The following CHRNB2 variants were observed in gnomAD, a reference collection of about 807,000 sequenced individuals.
The protein encoded by CHRNB2 is cholinergic receptor nicotinic beta 2 subunit.
A neutral mutation model predicts 42.7 loss-of-function variants in CHRNB2; 33 were observed. The ratio of observed to expected loss-of-function variants is 0.77; its 90% confidence interval spans 0.59 to 1.03. The LOEUF is 1.03. CHRNB2 is among the 50% of genes least tolerant of loss of function. The pLI, the probability that CHRNB2 is intolerant of heterozygous loss-of-function variation, is 0.00. For missense variants in CHRNB2, 603 were observed against 700.9 expected (o/e 0.86, Z 1.58); for synonymous variants, 325 against 292.9 (o/e 1.11, Z -1.12).
chr1:154,569,811 T>C lies in CHRNB2; in HGVS notation c.230T>C (p.Met77Thr). The C allele has an allele frequency of 1.2e-6, 2 of 1,614,160 alleles. No homozygotes were observed. Among genetic ancestry groups the C allele is most frequent in the Non-Finnish European group, 1.7e-6 (2 of 1,180,020 alleles). The change falls in exon 3 of 6, where the codon ATG becomes ACG. Residue 77 changes from methionine (M) to threonine (T), a missense_variant. By Grantham distance (81) the Met-to-Thr change is moderately conservative. This residue lies in a region of CHRNB2 where 333 missense variants were observed against 452.6 expected (regional missense o/e 0.74). Coordinates refer to ENST00000368476, the MANE Select transcript of CHRNB2 (RefSeq NM_000748.3). ...CTGCAGCATGAGCGGGAGCAGATCATGACCACCAATGTCTGGCTGACCCAG... is the reference window on the plus strand; with the variant it reads ...CTGCAGCATGAGCGGGAGCAGATCACGACCACCAATGTCTGGCTGACCCAG... ...LISVHEREQI[M>T]TTNVWLTQEW...
intron 5 of CHRNB2, among the ~76,000 whole-genome samples, chr1:154,574,152 C>G (rs551670662): frequency 6.6e-6 from 1 of 152,086 alleles, no homozygotes; most frequent in East Asian, 1.9e-4. Flanking sequence ...AAAAAAAAAT[C>G]ATTACAATTA....
chr1:154,576,030 G>A lies in CHRNB2; in HGVS notation c.*98G>A, dbSNP rs1244941616. 53 of 1,475,874 alleles carry A rather than the reference G, an allele frequency of 3.6e-5. No homozygotes were observed. Among genetic ancestry groups the A allele is most frequent in the Non-Finnish European group, 4.7e-5 (50 of 1,063,558 alleles). 91.4% of individuals were successfully genotyped at this position (1,475,874 alleles called of 1,614,324 possible). A position where few individuals can be genotyped will look rare whatever the true frequency, so the allele number is the denominator to read the frequency against. On this transcript the variant is annotated 3_prime_UTR_variant, in exon 6 of 6. Coordinates refer to ENST00000368476, the MANE Select transcript of CHRNB2 (RefSeq NM_000748.3). ...CGAGTGAGCTACCAGGAAGAGGGGC[G>A]CTGCCCCCACAGATCCATCCTTTTG...
intron 5 of CHRNB2, among the ~76,000 whole-genome samples, chr1:154,574,309 T>C (rs893944601): frequency 2.0e-5 from 3 of 152,222 alleles, no homozygotes; most frequent in Non-Finnish European, 2.9e-5. Flanking sequence ...AGCATTGATA[T>C]CTGTATCTCA....
Position 154,568,055 on chromosome 1 carries a change from G to A in CHRNB2, c.11G>A (p.Arg4His). The change falls in exon 1 of 6, where the codon CGC (arginine) becomes CAC (histidine). Residue 4 changes from arginine (R) to histidine (H), a missense_variant. Physicochemically the swap from Arg to His is conservative, Grantham distance 29. This residue lies in a region of CHRNB2 where 333 missense variants were observed against 452.6 expected (regional missense o/e 0.74). Coordinates refer to ENST00000368476, the MANE Select transcript of CHRNB2 (RefSeq NM_000748.3). ...AGCTATGCCCGCGGCATGGCCCGGC[G>A]CTGCGGCCCCGTGGCGCTGCTCCTT... MAR[R>H]CGPVALLLGF... is the part of the protein sequence containing the mutation. The A allele has an allele frequency of 1.3e-6, 2 of 1,599,042 alleles. No individual in the cohort carries two copies. Among genetic ancestry groups the A allele is most frequent in the Non-Finnish European group, 1.7e-6 (2 of 1,174,592 alleles).
Position 154,576,092 on chromosome 1 carries a change from C to A in CHRNB2, c.*160C>A. On this transcript the variant is annotated 3_prime_UTR_variant, in exon 6 of 6. Transcript: ENST00000368476. ...GTCCCTCCTCCCCCACGCCTCCATC[C>A]ACACACAGCAGCTCCAACCTGGAGG... The A allele has an allele frequency of 1.2e-6, 1 of 851,604 alleles. No homozygotes were observed. Among genetic ancestry groups the A allele is most frequent in the Non-Finnish European group, 1.9e-6 (1 of 527,560 alleles). 52.8% of individuals were successfully genotyped at this position (851,604 alleles called of 1,614,324 possible).
chr1:154,576,166 C>T lies in CHRNB2; in HGVS notation c.*234C>T. 1.7e-6 allele frequency: 1 copy of T among 584,650 alleles called. No individual in the cohort carries two copies. The highest frequency in any genetic ancestry group is 2.7e-5 in the Admixed American group (1 of 37,700). 36.2% of individuals were successfully genotyped at this position (584,650 alleles called of 1,614,324 possible). On this transcript the variant is annotated 3_prime_UTR_variant, in exon 6 of 6. Transcript: ENST00000368476. ...CTGCTCTCCATCTCTTGTACCAGCCCAGGCAATAGTGTTGAGGAGGGGAGC... is the reference window on the plus strand; with the variant it reads ...CTGCTCTCCATCTCTTGTACCAGCCTAGGCAATAGTGTTGAGGAGGGGAGC...
chr1:154,573,844 G>T (rs529217749), intron 5 of CHRNB2, among the ~76,000 whole-genome samples: 2 of 152,318 alleles, frequency 1.3e-5, no homozygotes, highest in South Asian at 4.1e-4. Flanking sequence ...CGCCTCCGGG[G>T]TTCAAGCGAT....
In CHRNB2 at chr1:154,571,004, C is replaced by G. The variant is rs1319925882; in HGVS notation, c.366-185C>G. Among the ~76,000 whole-genome samples the G allele has an allele frequency of 6.6e-6, 1 of 152,066 alleles. No individual in the cohort carries two copies. Among genetic ancestry groups the G allele is most frequent in the African/African-American group, 2.4e-5 (1 of 41,408 alleles). On this transcript the variant is annotated intron_variant, in intron 4 of 5. Coordinates refer to ENST00000368476, the MANE Select transcript of CHRNB2 (RefSeq NM_000748.3). This position sits in a 1 kb window ranked among gnomAD's most constrained non-coding sequence, Gnocchi z 6.8. ...CTTCTTCTGGTCACTAACCTTCCCC[C>G]CCCTCCCCATATCCCCTTCTTGCTC...
chr1:154,572,538 G>C (rs1464835856), intron 5 of CHRNB2, among the ~76,000 whole-genome samples: 1 of 152,066 alleles, frequency 6.6e-6, no homozygotes, highest in African/African-American at 2.4e-5. Context: ...CCCGCTGCTT[G>C]CATGCCCACA....
Position 154,579,121 on chromosome 1 carries a change from TCTA to T in CHRNB2, c.*3192_*3194del, listed in dbSNP as rs1696339551. On this transcript the variant is annotated 3_prime_UTR_variant, in exon 6 of 6. Coordinates refer to ENST00000368476, the MANE Select transcript of CHRNB2 (RefSeq NM_000748.3). ...ACACAGCAGCCCCCAGGTGGTGTGTTCTACTGAGGAAGGCTACGGCAGAGGAAG... is the reference window on the plus strand; with the variant it reads ...ACACAGCAGCCCCCAGGTGGTGTGTTCTGAGGAAGGCTACGGCAGAGGAAG... 1 of 152,046 alleles carries T rather than the reference TCTA, an allele frequency of 6.6e-6. No homozygotes were observed. The highest frequency in any genetic ancestry group is 2.4e-5 in the African/African-American group (1 of 41,374). The allele number at this position is 152,046 out of a possible 1,614,324, so 9.4% of individuals were successfully genotyped here. A position where few individuals can be genotyped will look rare whatever the true frequency, so the allele number is the denominator to read the frequency against.
rs1696334362 is a variant in CHRNB2, at chr1:154,578,906, A to G, written c.*2974A>G. On this transcript the variant is annotated 3_prime_UTR_variant, in exon 6 of 6. Coordinates refer to ENST00000368476, the MANE Select transcript of CHRNB2 (RefSeq NM_000748.3). ...GGAGGGGAAGTGAGGAAACAGGTTG[A>G]GACTATCTCCATCAGAGATGGCAAG... 1.3e-5 allele frequency: 2 copies of G among 152,264 alleles called. No homozygotes were observed. Among genetic ancestry groups the G allele is most frequent in the Admixed American group, 1.3e-4 (2 of 15,290 alleles). 9.4% of individuals were successfully genotyped at this position (152,264 alleles called of 1,614,324 possible).
At chr1:154,570,997 C>G (rs1039666884) in intron 4 of CHRNB2, among the ~76,000 whole-genome samples, 192 bp from the exon 5 acceptor site, 1 of 151,934 alleles carries the variant, frequency 6.6e-6, no homozygotes, top group African/African-American at 2.4e-5. Flanking sequence ...GGTCACTAAC[C>G]TTCCCCCCCC....
chr1:154,573,918 T>G (rs997248415), intron 5 of CHRNB2, among the ~76,000 whole-genome samples: 2 of 152,056 alleles, frequency 1.3e-5, no homozygotes, highest in African/African-American at 4.8e-5. Flanking sequence ...CCAGCTAATT[T>G]TTTGTATTTT....
Position 154,569,816 on chromosome 1 carries a change from A to G in CHRNB2, c.235A>G (p.Thr79Ala), listed in dbSNP as rs1696130228. 1 of 1,613,758 alleles carries G rather than the reference A, an allele frequency of 6.2e-7. No individual in the cohort carries two copies. Among genetic ancestry groups the G allele is most frequent in the Admixed American group, 1.7e-5 (1 of 59,972 alleles). The change falls in exon 3 of 6, where the codon ACC (threonine) becomes GCC (alanine). Residue 79 changes from threonine (T) to alanine (A), a missense_variant. Coordinates refer to ENST00000368476, the MANE Select transcript of CHRNB2 (RefSeq NM_000748.3). The part of the protein sequence containing the change: ...SVHEREQIMT[T>A]NVWLTQEWED... Reference sequence around the variant, plus strand: ...GCATGAGCGGGAGCAGATCATGACCACCAATGTCTGGCTGACCCAGGTAAG... The same window carrying G: ...GCATGAGCGGGAGCAGATCATGACCGCCAATGTCTGGCTGACCCAGGTAAG...
At position 154,575,860 on chromosome 1, in the gene CHRNB2, G is replaced by A; in HGVS notation, c.1437G>A (p.Leu479=). Residue 479 remains leucine, a synonymous_variant, in exon 6 of 6, where the codon CTG becomes CTA. Coordinates refer to ENST00000368476, the MANE Select transcript of CHRNB2 (RefSeq NM_000748.3). ...VCVFGTIGMF[L]QPLFQNYTTT... ...TCTTTGGCACCATCGGCATGTTCCT[G>A]CAGCCTCTCTTCCAGAACTACACCA... The A allele has an allele frequency of 6.2e-7, 1 of 1,614,108 alleles. No homozygotes were observed. The highest frequency in any genetic ancestry group is 8.5e-7 in the Non-Finnish European group (1 of 1,180,016).
In CHRNB2 at chr1:154,567,893, G is replaced by A; in HGVS notation, c.-152G>A. 1 of 574,540 alleles carries A rather than the reference G, an allele frequency of 1.7e-6. No individual in the cohort carries two copies. The highest frequency in any genetic ancestry group is 3.6e-5 in the East Asian group (1 of 27,994). The allele number at this position is 574,540 out of a possible 1,614,324, so 35.6% of individuals were successfully genotyped here. A position where few individuals can be genotyped will look rare whatever the true frequency, so the allele number is the denominator to read the frequency against. ...GGTTTCTCCTCGCAGCCGGCTCCCT[G>A]AGGCCCAGGAACCACCGCGGCGGCC... On this transcript the variant is annotated 5_prime_UTR_variant, in exon 1 of 6. Coordinates refer to ENST00000368476, the MANE Select transcript of CHRNB2 (RefSeq NM_000748.3).
At chr1:154,568,243 G>A in intron 1 of CHRNB2, 135 bp downstream of exon 1, 1 of 1,101,176 alleles carries the variant, frequency 9.1e-7, no homozygotes, top group Non-Finnish European at 1.3e-6. Flanking sequence ...TCTGCTGGAG[G>A]TTAGGGGAGA....
rs548589333 is a variant in CHRNB2 at position 154,578,078 on chromosome 1, G to C, written c.*2146G>C. 6.6e-6 allele frequency: 1 copy of C among 152,254 alleles called. No individual in the cohort carries two copies. The highest frequency in any genetic ancestry group is 2.4e-5 in the African/African-American group (1 of 41,452). The allele number at this position is 152,254 out of a possible 1,614,324, so 9.4% of individuals were successfully genotyped here. ...ATGGAAACTTTCCCTCTTCTAGAGC[G>C]GATTGGGAGTTGCCTGTATTATGCC... On this transcript the variant is annotated 3_prime_UTR_variant, in exon 6 of 6. Transcript: ENST00000368476.
In CHRNB2 at chr1:154,571,141, G is replaced by C. The variant is rs201132981; in HGVS notation, c.366-48G>C. 1 of 1,613,558 alleles carries C rather than the reference G, an allele frequency of 6.2e-7. No homozygotes were observed. Among genetic ancestry groups the C allele is most frequent in the Non-Finnish European group, 8.5e-7 (1 of 1,180,034 alleles). On this transcript the variant is annotated intron_variant, in intron 4 of 5. Transcript: ENST00000368476. The surrounding 1 kb of genome is among the most constrained non-coding windows in gnomAD (Gnocchi z 6.8). ...ATTAGGGGCTGGGTTGATGGGTAAG[G>C]AGGAAGGAACGCTTAGGCCAGGGCT... is the stretch of plus-strand genomic sequence containing the variant.
Sources: allele counts gnomAD v4.1 joint callset (sites outside exome capture counted in the v4.1 genomes callset), GRCh38; gene constraint gnomAD v4.1.1; regional missense constraint gnomAD v4.1.1; non-coding constraint Gnocchi (gnomAD v3.1); transcripts MANE v1.5; gene names NCBI Gene and HGNC (gene_info 2026-07-23, HGNC 2026-07-21).